The following CCDC88A variants were observed in gnomAD, a reference collection of about 807,000 sequenced individuals.
CCDC88A encodes the protein coiled-coil and HOOK domain protein 88A, also known as girdin.
CCDC88A carries 54 observed loss-of-function variants against 234.3 expected under a neutral mutation model. The ratio of observed to expected loss-of-function variants is 0.23; its 90% CI spans 0.19 to 0.29. CCDC88A has a LOEUF of 0.29. Ranked by LOEUF, CCDC88A falls within the 10% of genes least tolerant of loss-of-function variation. CCDC88A has a pLI of 1.00. For synonymous variants in CCDC88A, 753 were observed against 737.8 expected (o/e 1.02, Z -0.33); for missense variants, 1,832 against 2,123.4 (o/e 0.86, Z 2.70).
At chr2:55,390,952 C>T (rs1676543001) in intron 2 of CCDC88A, among the ~76,000 whole-genome samples, 1 of 152,142 alleles carries the variant, frequency 6.6e-6, no homozygotes, top group Admixed American at 6.5e-5. Flanking sequence ...CCAGCCTGGG[C>T]AATATGGTGG....
At chr2:55,390,047 A>T (rs1676368022) in intron 2 of CCDC88A, among the ~76,000 whole-genome samples, 2 of 144,114 alleles carry the variant, frequency 1.4e-5, no homozygotes, top group Admixed American at 7.1e-5. Flanking sequence ...AAAAAAAAAA[A>T]AATAAAAAAT....
At chr2:55,349,300 T>C (rs1669573415) in intron 9 of CCDC88A, 2 of 502,984 alleles carry the variant, frequency 4.0e-6, no homozygotes, top group Non-Finnish European at 6.9e-6. Context: ...AGTAGCTCTT[T>C]TGAATCTTAG....
chr2:55,297,331 TA>T, intron 29 of CCDC88A, among the ~76,000 whole-genome samples: 1 of 57,308 alleles, frequency 1.7e-5, no homozygotes. Context: ...TAATATATAA[TA>T]TATAAATTTA....
rs1406495263 is a variant in CCDC88A, at chr2:55,349,604, A to G, written c.801-5T>C. 1 of 1,596,504 alleles carries G rather than the reference A, an allele frequency of 6.3e-7. No homozygotes were observed. The highest frequency in any genetic ancestry group is 8.6e-7 in the Non-Finnish European group (1 of 1,168,236). ...AACTGCTCAGTCTTTTCCTCCCTTA[A>G]ATGCAAAAATATATTCATTAAGTAT... On this transcript the variant is annotated splice_region_variant and splice_polypyrimidine_tract_variant and intron_variant, in intron 8 of 32. Transcript: ENST00000436346.
At chr2:55,331,369 T>C (rs916029558) in intron 16 of CCDC88A, among the ~76,000 whole-genome samples, 1 of 152,218 alleles carries the variant, frequency 6.6e-6, no homozygotes, top group African/African-American at 2.4e-5. Context: ...TCAAATTATA[T>C]CTTTTTGTTA....
chr2:55,366,244 G>A (rs1485405354), intron 5 of CCDC88A, among the ~76,000 whole-genome samples: 1 of 152,102 alleles, frequency 6.6e-6, no homozygotes, highest in East Asian at 1.9e-4. Flanking sequence ...ACGACATGGA[G>A]GCCAGGCGTG....
chr2:55,350,549 T>A (rs1224543713), intron 8 of CCDC88A: 1 of 150,902 alleles, frequency 6.6e-6, no homozygotes, highest in African/African-American at 2.4e-5. Flanking sequence ...GTTCACTGTA[T>A]AGAACTTATT....
At chr2:55,417,489 A>G (rs538663721) in intron 2 of CCDC88A, 2 of 152,152 alleles carry the variant, frequency 1.3e-5, no homozygotes, top group Admixed American at 1.3e-4. Context: ...TCCATTACAC[A>G]GCTGTCAAAA....
At position 55,295,930 on chromosome 2, in the gene CCDC88A, G is replaced by A. The variant is rs1321501269; in HGVS notation, c.5218C>T (p.Pro1740Ser). 6.2e-7 allele frequency: 1 copy of A among 1,614,032 alleles called. No homozygotes were observed. The highest frequency in any genetic ancestry group is 1.7e-5 in the Admixed American group (1 of 60,000). Residue 1740 changes from proline to serine, a missense_variant, in exon 31 of 33, where the codon CCA (proline) becomes TCA (serine). Pro to Ser is a moderately conservative substitution (Grantham distance 74). Transcript: ENST00000436346. ...GLARSVSGKTPGDFYDRRTTK... is the reference protein window; with the variant it reads ...GLARSVSGKTSGDFYDRRTTK... Reference sequence around the variant, plus strand: ...GTCCGTCTATCATAGAAGTCCCCTGGGGTTTTTCCACTTACTGACCTGGCC... The same window carrying A: ...GTCCGTCTATCATAGAAGTCCCCTGAGGTTTTTCCACTTACTGACCTGGCC...
rs1292118351 is a variant in CCDC88A at position 55,288,139 on chromosome 2, T to G, written c.*3061A>C. The G allele has an allele frequency of 1.3e-5, 2 of 152,624 alleles. No homozygotes were observed. Among genetic ancestry groups the G allele is most frequent in the Non-Finnish European group, 2.9e-5 (2 of 68,028 alleles). The allele number at this position is 152,624 out of a possible 1,614,324, so 9.5% of individuals were successfully genotyped here. Reference sequence around the variant, plus strand: ...CAGTTATAAGTACAATGGTAGACACTGAAAAAGAAAACCCTTAATAGAAAA... The same window carrying G: ...CAGTTATAAGTACAATGGTAGACACGGAAAAAGAAAACCCTTAATAGAAAA... On this transcript the variant is annotated 3_prime_UTR_variant, in exon 33 of 33. Coordinates refer to ENST00000436346, the MANE Select transcript of CCDC88A (RefSeq NM_001365480.1).
At chr2:55,340,935 T>G (rs992237450) in intron 12 of CCDC88A, among the ~76,000 whole-genome samples, 1 of 152,122 alleles carries the variant, frequency 6.6e-6, no homozygotes, top group Admixed American at 6.6e-5. Flanking sequence ...AAATTTTGTG[T>G]CCTTTGACCA....
chr2:55,389,520 T>C (rs1676236041), intron 2 of CCDC88A, among the ~76,000 whole-genome samples: 2 of 152,078 alleles, frequency 1.3e-5, no homozygotes, highest in African/African-American at 2.4e-5. Context: ...CAACAGGAAA[T>C]AGAAACTGAA....
chr2:55,301,777 G>T, intron 27 of CCDC88A, 95 bp downstream of exon 27: 1 of 993,612 alleles, frequency 1.0e-6, no homozygotes, highest in Non-Finnish European at 1.6e-6. Context: ...AATTATTTCA[G>T]GTTGCTGCTT....
chr2:55,393,248 T>C (rs1676940410), intron 2 of CCDC88A, among the ~76,000 whole-genome samples: 1 of 150,880 alleles, frequency 6.6e-6, no homozygotes, highest in Admixed American at 6.6e-5. Flanking sequence ...ATTGGTGCTA[T>C]TGTGTAACAG....
In CCDC88A at chr2:55,296,196, C is replaced by G. The variant is rs1680011001; in HGVS notation, c.5091+62G>C. On this transcript the variant is annotated intron_variant, in intron 30 of 32. Transcript: ENST00000436346. ...ACCAAAAAAAAAAAGCTCTGAAGTTCAATTACAGAAATTTAACTTGTGGTG... is the reference window on the plus strand; with the variant it reads ...ACCAAAAAAAAAAAGCTCTGAAGTTGAATTACAGAAATTTAACTTGTGGTG... 5 of 1,388,886 alleles carry G rather than the reference C, an allele frequency of 3.6e-6. No homozygotes were observed. In the South Asian group the frequency reaches 5.4e-5, roughly 15 times the overall value. The allele number at this position is 1,388,886 out of a possible 1,614,324, so 86.0% of individuals were successfully genotyped here. A position where few individuals can be genotyped will look rare whatever the true frequency, so the allele number is the denominator to read the frequency against.
At chr2:55,331,100 A>T (rs998979970) in intron 16 of CCDC88A, among the ~76,000 whole-genome samples, 5 of 152,222 alleles carry the variant, frequency 3.3e-5, no homozygotes, top group African/African-American at 4.8e-5. Flanking sequence ...TCATAAATTT[A>T]TAATAGGGTC....
In CCDC88A at chr2:55,308,943, A is replaced by G; in HGVS notation, c.4253T>C (p.Leu1418Pro). The G allele has an allele frequency of 6.2e-7, 1 of 1,613,678 alleles. No individual in the cohort carries two copies. Among genetic ancestry groups the G allele is most frequent in the Non-Finnish European group, 8.5e-7 (1 of 1,179,554 alleles). The change falls in exon 25 of 33, where the codon CTA becomes CCA. Residue 1418 changes from leucine (L) to proline (P), a missense_variant. Transcript: ENST00000436346. ...KDINRERQKSLTLTPTRSDSS... is the reference protein window; with the variant it reads ...KDINRERQKSPTLTPTRSDSS... ...GTCTGAGCGGGTGGGTGTTAATGTT[A>G]GAGATTTCTGGCGTTCCCGATTAAT...
At chr2:55,368,922 T>C (rs1270146058) in intron 5 of CCDC88A, among the ~76,000 whole-genome samples, 1 of 152,254 alleles carries the variant, frequency 6.6e-6, no homozygotes, top group African/African-American at 2.4e-5. Context: ...ATTCTGGCTA[T>C]TAAGTATCAA....
At chr2:55,331,242 G>A (rs1684876537) in intron 16 of CCDC88A, among the ~76,000 whole-genome samples, 1 of 152,192 alleles carries the variant, frequency 6.6e-6, no homozygotes, top group South Asian at 2.1e-4. Context: ...TTAAAAGACA[G>A]TCAACGAAAT....
Sources: gnomAD v4.1 joint callset for allele counts (sites outside exome capture counted in the v4.1 genomes callset) on GRCh38, gnomAD v4.1.1 for gene constraint, MANE v1.5 for transcripts, NCBI Gene and HGNC (gene_info 2026-07-23, HGNC 2026-07-21) for gene names.